The following MYBL1 variants were observed in gnomAD, a reference collection of about 807,000 sequenced individuals.
MYBL1 encodes myb-related protein A.
MYBL1 carries 17 observed loss-of-function variants against 96.3 expected under a neutral mutation model. The ratio of observed to expected loss-of-function variants is 0.18; its 90% CI spans 0.12 to 0.26. The LOEUF is 0.26. Ranked by LOEUF, MYBL1 falls within the 10% of genes least tolerant of loss-of-function variation. The pLI is 1.00. For synonymous variants in MYBL1, 282 were observed against 292.7 expected (o/e 0.96, Z 0.37); for missense variants, 701 against 882.9 (o/e 0.79, Z 2.61).
chr8:66,591,359 AT>A (rs202084484), intron 8 of MYBL1, among the ~76,000 whole-genome samples: 2,561 of 151,480 alleles, frequency 0.017, 189 homozygotes, highest in East Asian at 0.14. Flanking sequence ...AAAAAAAAAA[AT>A]TTTTTTTTAA....
At chr8:66,602,896 C>G (rs1302428637) in intron 1 of MYBL1, among the ~76,000 whole-genome samples, 1 of 151,106 alleles carries the variant, frequency 6.6e-6, no homozygotes, top group Non-Finnish European at 1.5e-5. Flanking sequence ...CGGGCGCCCA[C>G]CACTACGCCC....
chr8:66,592,972 A>G (rs1809706700), intron 7 of MYBL1, 148 bp downstream of exon 7: 2 of 541,594 alleles, frequency 3.7e-6, no homozygotes, highest in Non-Finnish European at 6.6e-6. Context: ...TCACTTACAC[A>G]CTTTCTTCTT....
intron 1 of MYBL1, 72 bp from the exon 2 acceptor site, chr8:66,602,595 T>G (rs1810121155): frequency 1.1e-6 from 1 of 952,204 alleles, no homozygotes; most frequent in African/African-American, 1.7e-5. Flanking sequence ...TGAACTTGTG[T>G]GTGCAGGTAT....
In MYBL1 at chr8:66,564,753, T is replaced by C; in HGVS notation, c.2203A>G (p.Arg735Gly). The change falls in exon 16 of 16, where the codon AGA becomes GGA. Residue 735 changes from arginine (R) to glycine (G), a missense_variant. Around this residue, in one of 5 missense-constraint regions of MYBL1, gnomAD observed 137 missense variants for 137.5 expected, o/e 1.00. Transcript: ENST00000522677. Reference protein sequence around the residue: ...DQLIMTEQARRYLSTYTATSS... With the variant: ...DQLIMTEQARGYLSTYTATSS... Reference sequence around the variant, plus strand: ...GTAGCTGTGTAAGTACTCAGATATCTTCTTGCTTGTTCAGTCATAATAAGT... The same window carrying C: ...GTAGCTGTGTAAGTACTCAGATATCCTCTTGCTTGTTCAGTCATAATAAGT... 1 of 1,584,638 alleles carries C rather than the reference T, an allele frequency of 6.3e-7. No homozygotes were observed. Among genetic ancestry groups the C allele is most frequent in the South Asian group, 1.1e-5 (1 of 87,428 alleles).
At chr8:66,599,435 T>C (rs925717443) in intron 3 of MYBL1, among the ~76,000 whole-genome samples, 1 of 152,032 alleles carries the variant, frequency 6.6e-6, no homozygotes, top group Admixed American at 6.5e-5. Context: ...CACAGATAAC[T>C]GAAATAAAGA....
In MYBL1 at chr8:66,562,565, T is replaced by G. The variant is rs1169777222; in HGVS notation, c.*2132A>C. 1 of 152,630 alleles carries G rather than the reference T, an allele frequency of 6.6e-6. No homozygotes were observed. Among genetic ancestry groups the G allele is most frequent in the African/African-American group, 2.4e-5 (1 of 41,458 alleles). The allele number at this position is 152,630 out of a possible 1,614,324, so 9.5% of individuals were successfully genotyped here. On this transcript the variant is annotated 3_prime_UTR_variant, in exon 16 of 16. Transcript: ENST00000522677. ...TAAGCCCAGACTTATCCACAATATA[T>G]TACCATTTAGGATAATTTAATGCTC...
chr8:66,600,831 G>A (rs898233949), intron 3 of MYBL1, among the ~76,000 whole-genome samples: 2 of 152,126 alleles, frequency 1.3e-5, no homozygotes, highest in South Asian at 2.1e-4. Context: ...ATTCAAATAT[G>A]TATATTTTCC....
intron 8 of MYBL1, among the ~76,000 whole-genome samples, chr8:66,590,704 T>C (rs1586581586): frequency 2.6e-5 from 4 of 151,914 alleles, no homozygotes; most frequent in Admixed American, 2.0e-4. Flanking sequence ...ATACTAATAC[T>C]AATAAAAATA....
At chr8:66,577,684 C>A (rs1419780987) in intron 9 of MYBL1, among the ~76,000 whole-genome samples, 2 of 152,028 alleles carry the variant, frequency 1.3e-5, no homozygotes, top group Non-Finnish European at 2.9e-5. Context: ...GTGCCATCCC[C>A]ATCAAGCTAC....
chr8:66,575,923 A>G, intron 10 of MYBL1, 84 bp downstream of exon 10: 1 of 1,375,354 alleles, frequency 7.3e-7, no homozygotes, highest in South Asian at 1.4e-5. Context: ...TATCAAAGCT[A>G]CCAACTGCTA....
Position 66,564,948 on chromosome 8 carries a change from G to C in MYBL1, c.2131-123C>G, listed in dbSNP as rs1194561149. ...TTTTATAAACAATAATTATAAAAAT[G>C]TTTTAACAATGGCACTGTATTTTTT... On this transcript the variant is annotated intron_variant, in intron 15 of 15. Coordinates refer to ENST00000522677, the MANE Select transcript of MYBL1 (RefSeq NM_001080416.4). The C allele has an allele frequency of 1.4e-4, 78 of 542,102 alleles. 1 individual carries two copies. In the East Asian group the frequency reaches 2.7e-3, roughly 19 times the overall value. The allele number at this position is 542,102 out of a possible 1,614,324, so 33.6% of individuals were successfully genotyped here.
chr8:66,576,672 C>T (rs573542666), intron 9 of MYBL1, among the ~76,000 whole-genome samples: 3 of 152,188 alleles, frequency 2.0e-5, no homozygotes, highest in African/African-American at 7.2e-5. Flanking sequence ...AAGTATATTT[C>T]GTCATAAAAC....
At chr8:66,571,046 A>G (rs1808708965) in intron 12 of MYBL1, among the ~76,000 whole-genome samples, 1 of 152,230 alleles carries the variant, frequency 6.6e-6, no homozygotes, top group African/African-American at 2.4e-5. Context: ...AATTAATTAA[A>G]TCAAGTAAAC....
At chr8:66,585,027 G>A (rs1170799904) in intron 8 of MYBL1, among the ~76,000 whole-genome samples, 1 of 152,022 alleles carries the variant, frequency 6.6e-6, no homozygotes, top group Admixed American at 6.6e-5. Flanking sequence ...CCCAAAAGTA[G>A]CAAAAACAAT....
chr8:66,576,382 T>C lies in MYBL1; in HGVS notation c.1102-7A>G, dbSNP rs550292075. 10 of 1,588,896 alleles carry C rather than the reference T, an allele frequency of 6.3e-6. No homozygotes were observed. The African/African-American group carries it at 8.1e-5, about 13-fold the overall frequency. On this transcript the variant is annotated splice_region_variant and splice_polypyrimidine_tract_variant and intron_variant, in intron 9 of 15. Coordinates refer to ENST00000522677, the MANE Select transcript of MYBL1 (RefSeq NM_001080416.4). ...CACTCCATGCTACAGGATCCTGCAATAAATTAAACTGTTAATAAAGTTAAT... is the reference window on the plus strand; with the variant it reads ...CACTCCATGCTACAGGATCCTGCAACAAATTAAACTGTTAATAAAGTTAAT...
chr8:66,601,248 G>C (rs949583401), intron 3 of MYBL1, among the ~76,000 whole-genome samples: 1 of 141,770 alleles, frequency 7.1e-6, no homozygotes. Flanking sequence ...GTTATATAAC[G>C]AACAGCAGGT....
At chr8:66,606,974 G>A (rs547522200) in intron 1 of MYBL1, among the ~76,000 whole-genome samples, 33 of 151,872 alleles carry the variant, frequency 2.2e-4, no homozygotes, top group African/African-American at 7.2e-4. Context: ...AATTTTTTTC[G>A]TAGAGACGGG....
chr8:66,599,225 G>A (rs1809970761), intron 3 of MYBL1, 83 bp from the exon 4 acceptor site: 2 of 789,016 alleles, frequency 2.5e-6, no homozygotes, highest in African/African-American at 1.8e-5. Context: ...CACATCCTTA[G>A]AACAAAGACT....
chr8:66,574,059 A>G (rs1808840310), intron 10 of MYBL1, among the ~76,000 whole-genome samples: 1 of 152,182 alleles, frequency 6.6e-6, no homozygotes, highest in South Asian at 2.1e-4. Flanking sequence ...GGCATAACAG[A>G]GTCCATTTTC....
Sources: allele counts gnomAD v4.1 joint callset (sites outside exome capture counted in the v4.1 genomes callset), GRCh38; gene constraint gnomAD v4.1.1; regional missense constraint gnomAD v4.1.1; transcripts MANE v1.5; gene names NCBI Gene and HGNC (gene_info 2026-07-23, HGNC 2026-07-21).